Variants in AFF2 observed in about 807,000 individuals in gnomAD.
AFF2 encodes ALF transcription elongation factor 2.
Under a neutral mutation model 76.9 loss-of-function variants are expected in AFF2, and 14 were observed. The ratio of observed to expected loss-of-function variants is 0.18; its 90% CI spans 0.12 to 0.28. The LOEUF is 0.28. AFF2 is among the 10% of genes least tolerant of loss of function. AFF2 has a pLI of 1.00. For missense variants in AFF2, 868 were observed against 1,001.1 expected, an observed-to-expected ratio of 0.87 and a Z score of 1.79; for synonymous variants, 398 against 366.7, an observed-to-expected ratio of 1.09 and a Z score of -0.98.
Position 148,876,057 on chromosome X carries a change from G to A in AFF2, c.1263-9832G>A, listed in dbSNP as rs73249446. 6.3e-3 allele frequency among the ~76,000 whole-genome samples: 700 copies of A among 111,679 alleles called. 2 individuals carry two copies. Among genetic ancestry groups the A allele is most frequent in the Middle Eastern group, 9.3e-3 (2 of 215 alleles). On this transcript the variant is annotated intron_variant, in intron 7 of 20. Transcript: ENST00000370460. ...AATATACAGTTATTTTCCTTCTTTCGATTTTTACTTTAACATGAGAACACA... is the reference window on the plus strand; with the variant it reads ...AATATACAGTTATTTTCCTTCTTTCAATTTTTACTTTAACATGAGAACACA...
rs1180745004 is a variant in AFF2 at position 148,816,550 on chromosome X, A to G, written c.1086+6630A>G. Among the ~76,000 whole-genome samples the G allele has an allele frequency of 2.7e-5, 3 of 111,596 alleles. No homozygotes were observed. In the East Asian group the frequency reaches 8.4e-4, roughly 31 times the overall value. ...TTTTCAGAATAAGTGGAACATGGTG[A>G]AAAGCAATAACAGTATTAGAATAAT... On this transcript the variant is annotated intron_variant, in intron 4 of 20. Coordinates refer to ENST00000370460, the MANE Select transcript of AFF2 (RefSeq NM_002025.4).
chrX:148,914,571 T>A (rs1191556261), intron 9 of AFF2, among the ~76,000 whole-genome samples: 1 of 111,917 alleles, frequency 8.9e-6, no homozygotes, highest in East Asian at 2.8e-4. Context: ...AATAGACACA[T>A]CAAATCCTTT....
chrX:148,537,757 G>T (rs1185723996), intron 1 of AFF2, among the ~76,000 whole-genome samples: 4 of 110,704 alleles, frequency 3.6e-5, no homozygotes, highest in African/African-American at 1.3e-4. Context: ...CTTCGTTTTG[G>T]GAGGTCAGGA....
chrX:148,707,823 C>G (rs1407217407), intron 3 of AFF2, among the ~76,000 whole-genome samples: 1 of 111,675 alleles, frequency 9.0e-6, no homozygotes, highest in Non-Finnish European at 1.9e-5. Context: ...TAGTGTTTTA[C>G]TTTTGATCCA....
At chrX:148,651,892 G>C in intron 1 of AFF2, 107 bp from the exon 2 acceptor site, 2 of 714,599 alleles carry the variant, frequency 2.8e-6, no homozygotes, top group Middle Eastern at 3.3e-4. Context: ...AACTTGGGCA[G>C]CAAGTTGACT....
chrX:148,766,613 T>A (rs1557267781), intron 3 of AFF2, among the ~76,000 whole-genome samples: 1 of 107,381 alleles, frequency 9.3e-6, no homozygotes, highest in South Asian at 4.3e-4. Flanking sequence ...TAGCCCTTTG[T>A]CAGATGAGTA....
chrX:148,956,261 C>T lies in AFF2; in HGVS notation c.2216C>T (p.Ser739Phe), dbSNP rs1557287314. Reference sequence around the variant, plus strand: ...AAAGTCCTGCCTCCGTGCATTATTTCTGGAGGTAATACTGCCAAATCCAAG... The same window carrying T: ...AAAGTCCTGCCTCCGTGCATTATTTTTGGAGGTAATACTGCCAAATCCAAG... ...QIKVLPPCII[S>F]GGNTAKSKEI... Residue 739 changes from serine (S) to phenylalanine (F), a missense_variant, in exon 11 of 21, where the codon TCT (serine) becomes TTT (phenylalanine). Around this residue, in one of 6 missense-constraint regions of AFF2, gnomAD observed 532 missense variants for 564.2 expected, o/e 0.94. Transcript: ENST00000370460. The T allele has an allele frequency of 8.3e-7, 1 of 1,210,034 alleles. No homozygotes were observed. Among genetic ancestry groups the T allele is most frequent in the East Asian group, 3.0e-5 (1 of 33,779 alleles).
In AFF2 at chrX:148,560,295, G is replaced by T. The variant is rs147476269; in HGVS notation, c.47+59151G>T. Among the ~76,000 whole-genome samples the T allele has an allele frequency of 8.0e-3, 888 of 111,623 alleles. 15 individuals carry two copies. Among genetic ancestry groups the T allele is most frequent in the African/African-American group, 0.028 (853 of 30,726 alleles). On this transcript the variant is annotated intron_variant, in intron 1 of 20. Coordinates refer to ENST00000370460, the MANE Select transcript of AFF2 (RefSeq NM_002025.4). ...AAACCTGACAAAAACAAGCAATGGGGAAAGGATTCCCTGTTGGAAAAACTG... is the reference window on the plus strand; with the variant it reads ...AAACCTGACAAAAACAAGCAATGGGTAAAGGATTCCCTGTTGGAAAAACTG...
chrX:148,575,432 A>G (rs1159310966), intron 1 of AFF2, among the ~76,000 whole-genome samples: 1 of 112,004 alleles, frequency 8.9e-6, no homozygotes, highest in Non-Finnish European at 1.9e-5. Flanking sequence ...TAATTGTTAC[A>G]TATCACTTCA....
chrX:148,802,220 C>A (rs1557270993), intron 3 of AFF2, among the ~76,000 whole-genome samples: 1 of 111,871 alleles, frequency 8.9e-6, no homozygotes, highest in East Asian at 2.8e-4. Flanking sequence ...ATCGTAGAAT[C>A]CAAAAGATGT....
In AFF2 at chrX:148,967,618, TG is replaced by T. The variant is rs782214161; in HGVS notation, c.3204-10del. On this transcript the variant is annotated splice_polypyrimidine_tract_variant and intron_variant, in intron 14 of 20. Transcript: ENST00000370460. Reference sequence around the variant, plus strand: ...CATTGGTTTCTGAAAGAGCTTGTTTTGTTTATTTAGGGTTCACAATGCTGAT... The same window carrying T: ...CATTGGTTTCTGAAAGAGCTTGTTTTTTTATTTAGGGTTCACAATGCTGAT... The T allele has an allele frequency of 2.5e-6, 3 of 1,200,976 alleles. No homozygotes were observed. The African/African-American group carries it at 5.2e-5, about 21-fold the overall frequency.
intron 8 of AFF2, among the ~76,000 whole-genome samples, chrX:148,890,972 G>C (rs1471197282): frequency 8.9e-6 from 1 of 112,324 alleles, no homozygotes; most frequent in Non-Finnish European, 1.9e-5. Context: ...TATTTTTTAA[G>C]TTTGATATCA....
intron 9 of AFF2, among the ~76,000 whole-genome samples, chrX:148,946,677 T>C (rs868938949): frequency 8.9e-5 from 10 of 112,443 alleles, no homozygotes; most frequent in Non-Finnish European, 1.9e-4. Context: ...CTCCATTGTC[T>C]TGCTGGCTGT....
At chrX:148,825,573 A>G (rs1273407723) in intron 4 of AFF2, among the ~76,000 whole-genome samples, 2 of 88,598 alleles carry the variant, frequency 2.3e-5, no homozygotes, top group African/African-American at 7.2e-5. Flanking sequence ...AGCTCCTTTC[A>G]TGTCTTTAAT....
At chrX:148,873,557 T>C (rs1413683269) in intron 7 of AFF2, among the ~76,000 whole-genome samples, 1 of 108,415 alleles carries the variant, frequency 9.2e-6, no homozygotes, top group Non-Finnish European at 1.9e-5. Flanking sequence ...TCTCCCATTC[T>C]GTGTGTTTTC....
rs782675052 is a variant in AFF2 at position 148,955,906 on chromosome X, G to A, written c.1861G>A (p.Val621Met). The A allele has an allele frequency of 8.3e-7, 1 of 1,211,360 alleles. No individual in the cohort carries two copies. The highest frequency in any genetic ancestry group is 3.0e-5 in the East Asian group (1 of 33,861). ...KHKLSTTSETVSQRTIGKKQP... is the reference protein window; with the variant it reads ...KHKLSTTSETMSQRTIGKKQP... Reference sequence around the variant, plus strand: ...TAAGTTGTCAACAACTAGTGAGACAGTGTCTCAAAGGACAATTGGGAAAAA... The same window carrying A: ...TAAGTTGTCAACAACTAGTGAGACAATGTCTCAAAGGACAATTGGGAAAAA... Residue 621 changes from valine (V) to methionine (M), a missense_variant, in exon 11 of 21, where the codon GTG becomes ATG. Val to Met is a conservative substitution (Grantham distance 21). Transcript: ENST00000370460.
chrX:148,958,673 T>C (rs1452426527), intron 12 of AFF2, among the ~76,000 whole-genome samples: 4 of 111,877 alleles, frequency 3.6e-5, no homozygotes, highest in Admixed American at 2.9e-4. Context: ...GGTGACTCCA[T>C]GAGCTTTTAG....
intron 3 of AFF2, among the ~76,000 whole-genome samples, chrX:148,700,419 A>AGTGTGTGTGTGTGT (rs368077947): frequency 3.5e-4 from 29 of 82,498 alleles, no homozygotes; most frequent in Middle Eastern, 6.1e-3. Context: ...GTACTGTTGA[A>AGTGTGTGTGTGTGT]GTGTGTGTGT....
chrX:148,631,124 A>G (rs1334763740), intron 1 of AFF2, among the ~76,000 whole-genome samples: 1 of 111,910 alleles, frequency 8.9e-6, no homozygotes, highest in Non-Finnish European at 1.9e-5. Context: ...GCACCCATGA[A>G]CAATGGGATG....
Sources: gnomAD v4.1 joint callset for allele counts (sites outside exome capture counted in the v4.1 genomes callset) on GRCh38, gnomAD v4.1.1 for gene constraint, gnomAD v4.1.1 regional missense constraint, MANE v1.5 for transcripts, NCBI Gene and HGNC (gene_info 2026-07-23, HGNC 2026-07-21) for gene names.